TRMT13: variants seen among roughly 807,000 people sequenced by gnomAD.
The protein encoded by TRMT13 is tRNA methyltransferase 13.
In TRMT13, 45 loss-of-function variants were observed where a neutral mutation model predicts 55.9. That is an observed-to-expected ratio of 0.80 (90% CI 0.63 to 1.03). TRMT13 has a LOEUF of 1.03. TRMT13 is among the 50% of genes least tolerant of loss of function. The probability of loss-of-function intolerance (pLI) is 0.00; values close to 1 mark genes in which losing one functional copy is unlikely to be tolerated. For synonymous variants in TRMT13, 183 were observed against 196.3 expected (o/e 0.93, Z 0.57); for missense variants, 513 against 563.9 (o/e 0.91, Z 0.91).
rs373283558 is a variant in TRMT13 at position 100,136,958 on chromosome 1, T to C, written c.194+30T>C. 6.9e-6 allele frequency: 11 copies of C among 1,601,254 alleles called. No individual in the cohort carries two copies. The African/African-American group carries it at 1.2e-4, about 18-fold the overall frequency. On this transcript the variant is annotated intron_variant, in intron 2 of 10. Coordinates refer to ENST00000370141, the MANE Select transcript of TRMT13 (RefSeq NM_019083.3). ...GTGTGGATCAGATACGGGTTTTTTTTTGTGCTGGAAACAGTAATTGGCACA... is the reference window on the plus strand; with the variant it reads ...GTGTGGATCAGATACGGGTTTTTTTCTGTGCTGGAAACAGTAATTGGCACA...
chr1:100,144,042 G>C (rs752836180), intron 8 of TRMT13, 27 bp from the exon 9 acceptor site: 1 of 1,567,048 alleles, frequency 6.4e-7, no homozygotes. Flanking sequence ...TATTTCACTA[G>C]ACAGTTAATT....
At chr1:100,146,911 T>A (rs1657339802) in intron 9 of TRMT13, among the ~76,000 whole-genome samples, 1 of 152,242 alleles carries the variant, frequency 6.6e-6, no homozygotes, top group Admixed American at 6.5e-5. Context: ...TATGAAATAA[T>A]AGATTAGCTA....
chr1:100,137,273 G>T (rs1431014864), intron 3 of TRMT13, among the ~76,000 whole-genome samples, 188 bp downstream of exon 3: 2 of 152,114 alleles, frequency 1.3e-5, no homozygotes, highest in Non-Finnish European at 2.9e-5. Flanking sequence ...GTAGCTCACT[G>T]CAGCCTTGAA....
In TRMT13 at chr1:100,144,264, T is replaced by C. The variant is rs41287246; in HGVS notation, c.817+121T>C. ...TATGTTTACAACTCAATAATCTTTA[T>C]AGAGCACTGGCCCTGTGCTTTATTA... On this transcript the variant is annotated intron_variant, in intron 9 of 10. Transcript: ENST00000370141. 6,816 of 703,696 alleles carry C rather than the reference T, an allele frequency of 9.7e-3. 49 individuals carry two copies. Among genetic ancestry groups the C allele is most frequent in the Non-Finnish European group, 0.013 (5,291 of 408,102 alleles). The allele number at this position is 703,696 out of a possible 1,614,324, so 43.6% of individuals were successfully genotyped here. A position where few individuals can be genotyped will look rare whatever the true frequency, so the allele number is the denominator to read the frequency against.
At chr1:100,133,947 C>G (rs1655426054) in intron 1 of TRMT13, among the ~76,000 whole-genome samples, 1 of 152,000 alleles carries the variant, frequency 6.6e-6, no homozygotes, top group Non-Finnish European at 1.5e-5. Flanking sequence ...TGGTGCGAGC[C>G]TGTAACCCCA....
chr1:100,140,425 A>G lies in TRMT13; in HGVS notation c.412A>G (p.Lys138Glu). Residue 138 changes from lysine to glutamate, a missense_variant, in exon 6 of 11, where the codon AAA (lysine) becomes GAA (glutamate). By Grantham distance (56) the Lys-to-Glu change is moderately conservative (BLOSUM62 1). Transcript: ENST00000370141. Reference sequence around the variant, plus strand: ...TGGCACAGGCTTGAATTCTACACTTAAAGATCATATTATGTCCCATCCAGC... The same window carrying G: ...TGGCACAGGCTTGAATTCTACACTTGAAGATCATATTATGTCCCATCCAGC... The part of the protein sequence containing the change: ...KASEGLNSTL[K>E]DHIMSHPALH... 6 of 1,613,554 alleles carry G rather than the reference A, an allele frequency of 3.7e-6. No individual in the cohort carries two copies. Among genetic ancestry groups the G allele is most frequent in the Non-Finnish European group, 5.1e-6 (6 of 1,179,800 alleles).
Position 100,149,096 on chromosome 1 carries a change from A to T in TRMT13, c.*276A>T, listed in dbSNP as rs1415995708. On this transcript the variant is annotated 3_prime_UTR_variant, in exon 11 of 11. Transcript: ENST00000370141. ...AAGTAGTTGAACCGTTGACTTGGTG[A>T]TCTGAAACATACATAACATGTCAAC... 2.5e-6 allele frequency: 4 copies of T among 1,601,362 alleles called. No individual in the cohort carries two copies. The highest frequency in any genetic ancestry group is 3.4e-6 in the Non-Finnish European group (4 of 1,175,904).
In TRMT13 at chr1:100,148,419, G is replaced by A. The variant is rs570091411; in HGVS notation, c.1250+93G>A. ...ACTATTATCAACAATTCATGAAAAT[G>A]TATTTTATAATCTAATTTTAGAATA... is the stretch of plus-strand genomic sequence containing the variant. On this transcript the variant is annotated intron_variant, in intron 10 of 10. Transcript: ENST00000370141. 15 of 1,307,544 alleles carry A rather than the reference G, an allele frequency of 1.1e-5. No individual in the cohort carries two copies. In the East Asian group the frequency reaches 3.1e-4, roughly 27 times the overall value. 81.0% of individuals were successfully genotyped at this position (1,307,544 alleles called of 1,614,324 possible).
In TRMT13 at chr1:100,137,075, A is replaced by G. The variant is rs1655973881; in HGVS notation, c.251A>G (p.Lys84Arg). ...KHLKKCNSRE[K>R]PKPDFYIQDI... is the part of the protein sequence containing the mutation. ...TTGAAAAAATGTAACTCAAGAGAGA[A>G]ACCAAAACCTGTAAGTGTTTGATCA... Residue 84 changes from lysine (K) to arginine (R), a missense_variant, in exon 3 of 11, where the codon AAA becomes AGA. Lys to Arg is a conservative substitution (Grantham distance 26). Coordinates refer to ENST00000370141, the MANE Select transcript of TRMT13 (RefSeq NM_019083.3). 1.2e-6 allele frequency: 2 copies of G among 1,612,204 alleles called. No individual in the cohort carries two copies. Among genetic ancestry groups the G allele is most frequent in the Admixed American group, 3.3e-5 (2 of 59,848 alleles).
intron 8 of TRMT13, among the ~76,000 whole-genome samples, chr1:100,143,841 G>A (rs1466422737): frequency 6.6e-6 from 1 of 152,096 alleles, no homozygotes; most frequent in Admixed American, 6.6e-5. Flanking sequence ...CCCAGCATTT[G>A]TATAGAAATC....
intron 9 of TRMT13, among the ~76,000 whole-genome samples, chr1:100,147,369 T>C (rs770895351): frequency 2.6e-5 from 4 of 152,248 alleles, no homozygotes; most frequent in Non-Finnish European, 5.9e-5. Context: ...AGGCCTGCTT[T>C]CCAGATTCTG....
At chr1:100,144,185 T>G in intron 9 of TRMT13, 42 bp downstream of exon 9, 1 of 1,545,682 alleles carries the variant, frequency 6.5e-7, no homozygotes, top group Non-Finnish European at 8.9e-7. Flanking sequence ...ATGCATTAAG[T>G]TTTGGCCTAA....
In TRMT13 at chr1:100,144,104, G is replaced by T. The variant is rs1373317962; in HGVS notation, c.778G>T (p.Val260Leu). The change falls in exon 9 of 11, where the codon GTG becomes TTG. Residue 260 changes from valine (V) to leucine (L), a missense_variant. By Grantham distance (32) the Val-to-Leu change is conservative. Transcript: ENST00000370141. The stretch of plus-strand genomic sequence containing the variant: ...TGTGCTAAGAGAAGAAAAACTACCT[G>T]TGGTAGGAATTGGAAAGCATCTGTG... ...IPVLREEKLP[V>L]VGIGKHLCGM... is the part of the protein sequence containing the mutation. 1 of 1,613,486 alleles carries T rather than the reference G, an allele frequency of 6.2e-7. No homozygotes were observed. Among genetic ancestry groups the T allele is most frequent in the South Asian group, 1.1e-5 (1 of 91,062 alleles).
At chr1:100,145,455 T>A (rs1235950761) in intron 9 of TRMT13, among the ~76,000 whole-genome samples, 1 of 152,196 alleles carries the variant, frequency 6.6e-6, no homozygotes, top group Non-Finnish European at 1.5e-5. Context: ...TCCTTTTGTC[T>A]CTGCTGCAGT....
Position 100,149,291 on chromosome 1 carries a change from C to T in TRMT13, c.*471C>T. On this transcript the variant is annotated 3_prime_UTR_variant, in exon 11 of 11. Coordinates refer to ENST00000370141, the MANE Select transcript of TRMT13 (RefSeq NM_019083.3). ...TTTTTCCCTACAGATCTGGAAAGCA[C>T]AATTGTGATTTTCTCAAATGCAGAC... The T allele has an allele frequency of 2.6e-6, 4 of 1,531,554 alleles. No homozygotes were observed. The highest frequency in any genetic ancestry group is 2.6e-6 in the Non-Finnish European group (3 of 1,142,234). 94.9% of individuals were successfully genotyped at this position (1,531,554 alleles called of 1,614,324 possible).
chr1:100,143,158 A>T lies in TRMT13; in HGVS notation c.691A>T (p.Lys231Ter). 6.2e-7 allele frequency: 1 copy of T among 1,610,456 alleles called. No individual in the cohort carries two copies. The highest frequency in any genetic ancestry group is 8.5e-7 in the Non-Finnish European group (1 of 1,177,708). Residue 231 changes from lysine (K) to a stop codon, truncating the protein, a stop_gained, in exon 8 of 11, where the codon AAA becomes TAA. Coordinates refer to ENST00000370141, the MANE Select transcript of TRMT13 (RefSeq NM_019083.3). LOFTEE classifies it high-confidence loss of function. ...RFKVDGKHRK[K>*]NSVFERLQID... ...GCAGGTGGATGGAAAACACAGAAAG[A>T]AAAATTCAGTGTTTGAAAGACTTCA...
In TRMT13 at chr1:100,140,923, G is replaced by A. The variant is rs537478308; in HGVS notation, c.573G>A (p.Ala191=). The change falls in exon 7 of 11, where the codon GCG becomes GCA. Residue 191 remains alanine (A), a synonymous_variant. Transcript: ENST00000370141. ...GAAGATGCTTTGTTGAGTTTGGAGC[G>A]GGAAAGGGAAAATTATCTCATTGGG... is the stretch of plus-strand genomic sequence containing the variant. ...GPRRCFVEFG[A]GKGKLSHWVD... 23 of 1,613,738 alleles carry A rather than the reference G, an allele frequency of 1.4e-5. No homozygotes were observed. The highest frequency in any genetic ancestry group is 3.3e-4 in the Middle Eastern group (2 of 6,058).
Position 100,149,271 on chromosome 1 carries a change from C to G in TRMT13, c.*451C>G. On this transcript the variant is annotated 3_prime_UTR_variant, in exon 11 of 11. Coordinates refer to ENST00000370141, the MANE Select transcript of TRMT13 (RefSeq NM_019083.3). ...ATTTGACTTATATGTGGACATTTTT[C>G]CCTACAGATCTGGAAAGCACAATTG... 6.6e-7 allele frequency: 1 copy of G among 1,517,616 alleles called. No individual in the cohort carries two copies. The highest frequency in any genetic ancestry group is 8.8e-7 in the Non-Finnish European group (1 of 1,138,122). 94.0% of individuals were successfully genotyped at this position (1,517,616 alleles called of 1,614,324 possible).
chr1:100,141,088 G>A, intron 7 of TRMT13, 69 bp downstream of exon 7: 1 of 1,340,844 alleles, frequency 7.5e-7, no homozygotes. Flanking sequence ...GGAAAAAAGT[G>A]ATAGAAACAT....
Sources: gnomAD v4.1 joint callset for allele counts (sites outside exome capture counted in the v4.1 genomes callset) on GRCh38, gnomAD v4.1.1 for gene constraint, MANE v1.5 for transcripts, NCBI Gene and HGNC (gene_info 2026-07-23, HGNC 2026-07-21) for gene names.